The following FSTL1 variants were observed in gnomAD, a reference collection of about 807,000 sequenced individuals.
FSTL1 encodes follistatin-related protein 1.
FSTL1 carries 24 observed loss-of-function variants against 45.9 expected under a neutral mutation model. That is an observed-to-expected ratio of 0.52 (90% CI 0.38 to 0.74). The LOEUF (loss-of-function observed/expected upper bound fraction) is 0.74, where lower values mean the gene tolerates loss of function less well. Ranked by LOEUF, FSTL1 falls within the 30% of genes least tolerant of loss-of-function variation. The pLI is 0.00. For synonymous variants in FSTL1, 120 were observed against 137.6 expected (o/e 0.87, Z 0.89); for missense variants, 340 against 381.8 (o/e 0.89, Z 0.91).
At chr3:120,414,389 C>A (rs547339935) in intron 3 of FSTL1, among the ~76,000 whole-genome samples, 1 of 148,154 alleles carries the variant, frequency 6.7e-6, no homozygotes, top group African/African-American at 2.5e-5. Flanking sequence ...CGTCTCTGCC[C>A]GGCCGCCCAT....
At chr3:120,403,939 A>ACAAAAAC (rs1553789502) in intron 7 of FSTL1, among the ~76,000 whole-genome samples, 1 of 115,572 alleles carries the variant, frequency 8.7e-6, no homozygotes, top group African/African-American at 3.1e-5. Context: ...AAAAAAAAAA[A>ACAAAAAC]AAAAACAAAA....
intron 7 of FSTL1, among the ~76,000 whole-genome samples, chr3:120,404,234 C>T (rs895972075): frequency 2.0e-5 from 3 of 152,144 alleles, no homozygotes; most frequent in Non-Finnish European, 4.4e-5. Context: ...AGAACCTATA[C>T]TTTAAGGTCA....
At chr3:120,427,041 A>C (rs1937395054) in intron 2 of FSTL1, among the ~76,000 whole-genome samples, 1 of 152,202 alleles carries the variant, frequency 6.6e-6, no homozygotes, top group African/African-American at 2.4e-5. Flanking sequence ...GCCTTTGAAA[A>C]TGTCAGCATG....
At chr3:120,438,379 T>C (rs1484142699) in intron 2 of FSTL1, 1 of 152,224 alleles carries the variant, frequency 6.6e-6, no homozygotes, top group Non-Finnish European at 1.5e-5. Context: ...GATTCCTTTC[T>C]GTAGAGTAAA....
intron 3 of FSTL1, among the ~76,000 whole-genome samples, chr3:120,414,592 A>G (rs1371293345): frequency 9.0e-4 from 133 of 147,188 alleles, no homozygotes; most frequent in African/African-American, 3.0e-3. Context: ...GATGGTTGCC[A>G]TGTCTGTGTA....
At chr3:120,428,965 A>G (rs528046043) in intron 2 of FSTL1, among the ~76,000 whole-genome samples, 27 of 152,364 alleles carry the variant, frequency 1.8e-4, no homozygotes, top group Admixed American at 1.8e-3. Flanking sequence ...GACAGATGTA[A>G]TTAGAAGTTC....
At chr3:120,420,157 G>T (rs1466145243) in intron 2 of FSTL1, among the ~76,000 whole-genome samples, 4 of 152,222 alleles carry the variant, frequency 2.6e-5, no homozygotes, top group Non-Finnish European at 5.9e-5. Flanking sequence ...GTACAATGCA[G>T]TTCTTGCAAA....
chr3:120,436,384 T>C (rs1182781620), intron 2 of FSTL1, among the ~76,000 whole-genome samples: 2 of 152,170 alleles, frequency 1.3e-5, no homozygotes, highest in African/African-American at 4.8e-5. Context: ...TCTAGTTTCA[T>C]CTCCCAAGAA....
intron 2 of FSTL1, among the ~76,000 whole-genome samples, chr3:120,432,464 T>G (rs1937495366): frequency 6.6e-6 from 1 of 152,148 alleles, no homozygotes; most frequent in Admixed American, 6.5e-5. Flanking sequence ...TCCCCCCTAT[T>G]TTTTCAGAAA....
In FSTL1 at chr3:120,396,358, A is replaced by G. The variant is rs994397791; in HGVS notation, c.*594T>C. On this transcript the variant is annotated 3_prime_UTR_variant, in exon 11 of 11. Transcript: ENST00000295633. ...TTGGTTAGGTCGCTAAGGGGCTCAA[A>G]GTATACAAGTATCTGCATCATTTGG... 3 of 153,036 alleles carry G rather than the reference A, an allele frequency of 2.0e-5. No homozygotes were observed. The highest frequency in any genetic ancestry group is 4.4e-5 in the Non-Finnish European group (3 of 68,406). 9.5% of individuals were successfully genotyped at this position (153,036 alleles called of 1,614,324 possible). A position where few individuals can be genotyped will look rare whatever the true frequency, so the allele number is the denominator to read the frequency against.
At chr3:120,403,682 CA>C (rs1419513043) in intron 7 of FSTL1, among the ~76,000 whole-genome samples, 1 of 152,050 alleles carries the variant, frequency 6.6e-6, no homozygotes, top group African/African-American at 2.4e-5. Context: ...TGCTTTTCCC[CA>C]TGGTATATAC....
chr3:120,412,288 A>C (rs891734971), intron 3 of FSTL1, among the ~76,000 whole-genome samples: 15 of 152,258 alleles, frequency 9.9e-5, no homozygotes, highest in African/African-American at 3.4e-4. Flanking sequence ...GTTGATACTT[A>C]ATCCACAATG....
chr3:120,401,863 C>A (rs909899508), intron 9 of FSTL1, among the ~76,000 whole-genome samples: 1 of 152,212 alleles, frequency 6.6e-6, no homozygotes, highest in African/African-American at 2.4e-5. Flanking sequence ...TAAGCCACTG[C>A]GCCTGGCTGA....
At chr3:120,413,000 G>C (rs2107656186) in intron 3 of FSTL1, among the ~76,000 whole-genome samples, 1 of 152,240 alleles carries the variant, frequency 6.6e-6, no homozygotes, top group East Asian at 1.9e-4. Context: ...CTGGGTCTTT[G>C]TGAAGTACTA....
At chr3:120,427,942 GA>G (rs1450254082) in intron 2 of FSTL1, among the ~76,000 whole-genome samples, 1 of 152,144 alleles carries the variant, frequency 6.6e-6, no homozygotes, top group Admixed American at 6.5e-5. Flanking sequence ...ATACTAGGGG[GA>G]AGTAGAGATG....
At chr3:120,431,151 T>C (rs1014253940) in intron 2 of FSTL1, among the ~76,000 whole-genome samples, 3 of 152,120 alleles carry the variant, frequency 2.0e-5, no homozygotes, top group Non-Finnish European at 2.9e-5. Flanking sequence ...TTTGTGTTTT[T>C]AGTAGAGACA....
chr3:120,442,735 A>T (rs1937648361), intron 2 of FSTL1, among the ~76,000 whole-genome samples: 1 of 147,372 alleles, frequency 6.8e-6, no homozygotes, highest in South Asian at 2.3e-4. Context: ...GTGAGCCGAG[A>T]TCGCACCACT....
At chr3:120,409,702 G>A (rs746741369) in intron 5 of FSTL1, 40 bp from the exon 6 acceptor site, 2 of 1,607,998 alleles carry the variant, frequency 1.2e-6, no homozygotes, top group Non-Finnish European at 1.7e-6. Flanking sequence ...GCAGTCAGGG[G>A]AGGACCCCAG....
At chr3:120,432,358 A>G (rs1275089831) in intron 2 of FSTL1, among the ~76,000 whole-genome samples, 1 of 152,036 alleles carries the variant, frequency 6.6e-6, no homozygotes, top group African/African-American at 2.4e-5. Flanking sequence ...GGGGGGAAGG[A>G]GCTGTAAAAC....
Sources: allele counts gnomAD v4.1 joint callset (sites outside exome capture counted in the v4.1 genomes callset), GRCh38; gene constraint gnomAD v4.1.1; transcripts MANE v1.5; gene names NCBI Gene and HGNC (gene_info 2026-07-23, HGNC 2026-07-21).